The following DST variants were observed in gnomAD, a reference collection of about 807,000 sequenced individuals.
DST encodes the protein dystonin, also known as bullous pemphigoid antigen.
Under a neutral mutation model 875.2 loss-of-function variants are expected in DST, and 253 were observed. That is an observed-to-expected ratio of 0.29 (90% CI 0.26 to 0.32). DST has a LOEUF of 0.32. DST is among the 10% of genes least tolerant of loss of function. DST has a pLI of 1.00. For missense variants in DST, 8,287 were observed against 9,111.6 expected, an observed-to-expected ratio of 0.91 and a Z score of 3.68; for synonymous variants, 3,124 against 3,197.1, an observed-to-expected ratio of 0.98 and a Z score of 0.77.
At chr6:56,905,841 G>T (rs191446836) in intron 2 of DST, among the ~76,000 whole-genome samples, 4 of 152,188 alleles carry the variant, frequency 2.6e-5, no homozygotes, top group Admixed American at 1.3e-4. Context: ...TAGAGATGGG[G>T]TTTCACCTTG....
At chr6:56,779,835 A>C in intron 4 of DST, among the ~76,000 whole-genome samples, 1 of 146,970 alleles carries the variant, frequency 6.8e-6, no homozygotes, top group East Asian at 2.1e-4. Flanking sequence ...TTAACTCGTC[A>C]TTTAGCATTA....
Position 56,609,066 on chromosome 6 carries a change from T to G in DST, c.5562A>C (p.Pro1854=). The G allele has an allele frequency of 6.2e-7, 1 of 1,613,902 alleles. No individual in the cohort carries two copies. Among genetic ancestry groups the G allele is most frequent in the Non-Finnish European group, 8.5e-7 (1 of 1,179,812 alleles). Residue 1854 remains proline, a synonymous_variant, in exon 40 of 104, where the codon CCA becomes CCC. Coordinates refer to ENST00000680361, the MANE Select transcript of DST (RefSeq NM_001374736.1). ...IISAASPTTI[P]VLDALAQSMI... ...TGCTTTGAGCTAGAGCATCCAGTAC[T>G]GGAATTGTGGTAGGTGACGCAGCAG...
At chr6:56,885,963 T>C (rs1206905872) in intron 3 of DST, among the ~76,000 whole-genome samples, 2 of 152,138 alleles carry the variant, frequency 1.3e-5, no homozygotes, top group African/African-American at 4.8e-5. Context: ...AGTATCAGAG[T>C]TGATTATCTA....
intron 3 of DST, chr6:56,871,775 G>C: frequency 8.5e-4 from 73 of 85,690 alleles, no homozygotes; most frequent in Middle Eastern, 6.1e-3. Flanking sequence ...ACAATTAAAA[G>C]TAAAAAAAAA....
chr6:56,915,543 C>T (rs776963794), intron 2 of DST, among the ~76,000 whole-genome samples: 9 of 151,356 alleles, frequency 5.9e-5, no homozygotes, highest in East Asian at 1.9e-4. Flanking sequence ...GCACAAAATA[C>T]GGGGGTGGAG....
Position 56,608,347 on chromosome 6 carries a change from T to C in DST, c.6281A>G (p.Asn2094Ser). Residue 2094 changes from asparagine to serine, a missense_variant, in exon 40 of 104, where the codon AAT (asparagine) becomes AGT (serine). Physicochemically the swap from Asn to Ser is conservative, Grantham distance 46. This residue lies in a region of DST where 3,138 missense variants were observed against 3,116.6 expected (regional missense o/e 1.01). Coordinates refer to ENST00000680361, the MANE Select transcript of DST (RefSeq NM_001374736.1). Reference protein sequence around the residue: ...SSSLQQELITNELAYKILNGR... With the variant: ...SSSLQQELITSELAYKILNGR... ...ATTCAGGATTTTGTAGGCCAATTCA[T>C]TTGTAATCAATTCTTGCTGCAAGGA... 1 of 1,612,708 alleles carries C rather than the reference T, an allele frequency of 6.2e-7. No individual in the cohort carries two copies. Among genetic ancestry groups the C allele is most frequent in the Non-Finnish European group, 8.5e-7 (1 of 1,179,780 alleles).
intron 9 of DST, among the ~76,000 whole-genome samples, chr6:56,687,988 T>C (rs1311730138): frequency 2.0e-5 from 3 of 152,138 alleles, no homozygotes; most frequent in African/African-American, 4.8e-5. Flanking sequence ...CATTTACTTA[T>C]ACAAACAGAG....
At chr6:56,649,722 A>G (rs1211699614) in intron 12 of DST, among the ~76,000 whole-genome samples, 1 of 152,196 alleles carries the variant, frequency 6.6e-6, no homozygotes, top group Non-Finnish European at 1.5e-5. Context: ...CAGAATAAAT[A>G]TTTGCAGTTT....
intron 69 of DST, 102 bp downstream of exon 69, chr6:56,526,259 A>C: frequency 8.2e-7 from 1 of 1,224,748 alleles, no homozygotes; most frequent in Non-Finnish European, 1.1e-6. Flanking sequence ...GAAGCACAGC[A>C]AATGAATGGA....
intron 5 of DST, among the ~76,000 whole-genome samples, chr6:56,711,923 C>G (rs1046706026): frequency 1.3e-5 from 2 of 151,454 alleles, no homozygotes; most frequent in South Asian, 4.2e-4. Flanking sequence ...AACCCCGTCT[C>G]TACTAAAAAT....
intron 54 of DST, among the ~76,000 whole-genome samples, chr6:56,569,356 C>T (rs1457678523): frequency 1.4e-5 from 2 of 144,456 alleles, no homozygotes; most frequent in African/African-American, 2.8e-5. Flanking sequence ...CACACACACA[C>T]ATCCACAAAT....
intron 4 of DST, among the ~76,000 whole-genome samples, chr6:56,850,150 C>T (rs770553962): frequency 5.9e-5 from 9 of 152,304 alleles, no homozygotes; most frequent in Non-Finnish European, 1.0e-4. Flanking sequence ...TCTCACTCCA[C>T]CCCTTGCTCT....
chr6:56,497,803 C>T (rs1226404749), intron 81 of DST, 53 bp downstream of exon 81: 2 of 1,434,336 alleles, frequency 1.4e-6, no homozygotes, highest in Non-Finnish European at 1.9e-6. Context: ...GAATTCCATG[C>T]TATTTTGGTC....
Position 56,492,266 on chromosome 6 carries a change from T to A in DST, c.20718A>T (p.Arg6906Ser), listed in dbSNP as rs936474152. 2.5e-5 allele frequency: 40 copies of A among 1,613,756 alleles called. No individual in the cohort carries two copies. The highest frequency in any genetic ancestry group is 3.1e-5 in the Non-Finnish European group (36 of 1,179,812). ...TCCTTGCATCATCCAAAGATCTTCC[T>A]CTCTCTACCAACCGTTGAACCACTT... ...WEKVVQRLVE[R>S]GRSLDDARKR... Residue 6906 changes from arginine (R) to serine (S), a missense_variant, in exon 85 of 104, where the codon AGA (arginine) becomes AGT (serine). By Grantham distance (110) the Arg-to-Ser change is moderately radical. Around this residue, in one of 10 missense-constraint regions of DST, gnomAD observed 1,292 missense variants for 1,552.7 expected, o/e 0.83. Coordinates refer to ENST00000680361, the MANE Select transcript of DST (RefSeq NM_001374736.1).
At chr6:56,523,427 G>A (rs886777097) in intron 69 of DST, among the ~76,000 whole-genome samples, 3 of 152,248 alleles carry the variant, frequency 2.0e-5, no homozygotes, top group Non-Finnish European at 2.9e-5. Context: ...TACAAAGTAT[G>A]TGCTAATGAG....
chr6:56,892,971 G>A (rs990997371), intron 3 of DST, among the ~76,000 whole-genome samples: 1 of 152,014 alleles, frequency 6.6e-6, no homozygotes, highest in African/African-American at 2.4e-5. Flanking sequence ...TCATCCTCAT[G>A]ACTCTATATG....
intron 9 of DST, among the ~76,000 whole-genome samples, chr6:56,681,822 T>C (rs1390460136): frequency 6.6e-6 from 1 of 152,194 alleles, no homozygotes; most frequent in Non-Finnish European, 1.5e-5. Context: ...CAGGATTCTC[T>C]TGGTCACTTC....
intron 15 of DST, 138 bp downstream of exon 15, chr6:56,645,728 G>T: frequency 1.0e-6 from 1 of 996,862 alleles, no homozygotes; most frequent in Non-Finnish European, 1.5e-6. Flanking sequence ...GAGTTTCTAG[G>T]TAAGAAAATG....
intron 2 of DST, among the ~76,000 whole-genome samples, chr6:56,905,216 C>CGTGTGT (rs150944175): frequency 1.3e-5 from 2 of 150,582 alleles, no homozygotes; most frequent in African/African-American, 2.4e-5. Context: ...GATGTGCACT[C>CGTGTGT]GTGTGTGTGT....
Sources: gnomAD v4.1 joint callset for allele counts (sites outside exome capture counted in the v4.1 genomes callset) on GRCh38, gnomAD v4.1.1 for gene constraint, gnomAD v4.1.1 regional missense constraint, MANE v1.5 for transcripts, NCBI Gene and HGNC (gene_info 2026-07-23, HGNC 2026-07-21) for gene names.